GCG: variants seen among roughly 807,000 people sequenced by gnomAD.
GCG encodes pro-glucagon.
A neutral mutation model predicts 22.8 loss-of-function variants in GCG; 11 were observed. The observed-to-expected ratio is 0.48, with a 90% CI of 0.30 to 0.80. The LOEUF is 0.80. GCG is among the 30% of genes least tolerant of loss of function. The probability of loss-of-function intolerance (pLI) is 0.06; values close to 1 mark genes in which losing one functional copy is unlikely to be tolerated. For synonymous variants in GCG, 89 were observed against 72.4 expected, an observed-to-expected ratio of 1.23 and a Z score of -1.16; for missense variants, 222 against 222.0, an observed-to-expected ratio of 1.00 and a Z score of 0.00.
At chr2:162,146,916 A>G (rs1449218223) in intron 3 of GCG, among the ~76,000 whole-genome samples, 2 of 152,184 alleles carry the variant, frequency 1.3e-5, no homozygotes, top group African/African-American at 4.8e-5. Context: ...ATTCTACAAG[A>G]AAAGGAATGC....
intron 3 of GCG, among the ~76,000 whole-genome samples, chr2:162,146,452 T>C (rs530741972): frequency 2.0e-5 from 3 of 152,144 alleles, no homozygotes; most frequent in African/African-American, 7.2e-5. Context: ...GCTCTGACCA[T>C]GATAGCCATC....
At chr2:162,143,841 T>C in intron 5 of GCG, 186 bp downstream of exon 5, 1 of 616,194 alleles carries the variant, frequency 1.6e-6, no homozygotes, top group East Asian at 2.8e-5. Flanking sequence ...AATAAATAGA[T>C]ACAAACTGTA....
Position 162,143,105 on chromosome 2 carries a change from G to C in GCG, c.*259C>G. 1.2e-5 allele frequency: 4 copies of C among 347,676 alleles called. No individual in the cohort carries two copies. The highest frequency in any genetic ancestry group is 2.1e-5 in the Non-Finnish European group (4 of 188,802). 21.5% of individuals were successfully genotyped at this position (347,676 alleles called of 1,614,324 possible). A position where few individuals can be genotyped will look rare whatever the true frequency, so the allele number is the denominator to read the frequency against. On this transcript the variant is annotated 3_prime_UTR_variant, in exon 6 of 6. Transcript: ENST00000418842. ...TTATCGCTAAATGTAAACAGGTTGGGGTACTTCATCCAAAATAAGAAGAAA... is the reference window on the plus strand; with the variant it reads ...TTATCGCTAAATGTAAACAGGTTGGCGTACTTCATCCAAAATAAGAAGAAA...
chr2:162,151,801 T>C (rs1022811419), intron 1 of GCG, among the ~76,000 whole-genome samples: 3 of 152,162 alleles, frequency 2.0e-5, no homozygotes, highest in Non-Finnish European at 4.4e-5. Flanking sequence ...TTCAAAGTAG[T>C]ATACAGATCT....
At chr2:162,144,396 T>G (rs1225569583) in intron 4 of GCG, 4 of 504,580 alleles carry the variant, frequency 7.9e-6, no homozygotes, top group African/African-American at 3.8e-5. Context: ...CATAATTTCA[T>G]GCCCTTTTCA....
intron 1 of GCG, among the ~76,000 whole-genome samples, chr2:162,150,990 T>C (rs1443028104): frequency 6.6e-6 from 1 of 152,066 alleles, no homozygotes; most frequent in Non-Finnish European, 1.5e-5. Context: ...ACTTATTTGT[T>C]TGTGAAAGTC....
In GCG at chr2:162,143,353, T is replaced by C. The variant is rs1686598739; in HGVS notation, c.*11A>G. 2.4e-6 allele frequency: 3 copies of C among 1,229,702 alleles called. No homozygotes were observed. Among genetic ancestry groups the C allele is most frequent in the Non-Finnish European group, 3.4e-6 (3 of 875,006 alleles). The allele number at this position is 1,229,702 out of a possible 1,614,324, so 76.2% of individuals were successfully genotyped here. A position where few individuals can be genotyped will look rare whatever the true frequency, so the allele number is the denominator to read the frequency against. Reference sequence around the variant, plus strand: ...GTGATGTTGTGAAGATGATCTTGAATAGTGATATAGTTATTTCCTAGAGAT... The same window carrying C: ...GTGATGTTGTGAAGATGATCTTGAACAGTGATATAGTTATTTCCTAGAGAT... On this transcript the variant is annotated 3_prime_UTR_variant, in exon 6 of 6. Coordinates refer to ENST00000418842, the MANE Select transcript of GCG (RefSeq NM_002054.5).
chr2:162,148,775 G>A lies in GCG; in HGVS notation c.92+312C>T, dbSNP rs1211966167. ...GGAAAAAAGAGAAAAGAGTTGGTGC[G>A]AATAATTGAAGTAATCTATTATGCA... On this transcript the variant is annotated intron_variant, in intron 2 of 5. Transcript: ENST00000418842. 2.0e-5 allele frequency among the ~76,000 whole-genome samples: 3 copies of A among 151,998 alleles called. No individual in the cohort carries two copies. In the East Asian group the frequency reaches 5.8e-4, roughly 29 times the overall value.
Position 162,147,490 on chromosome 2 carries a change from G to T in GCG, c.117C>A (p.Asp39Glu), listed in dbSNP as rs762144462. 6.2e-7 allele frequency: 1 copy of T among 1,613,156 alleles called. No individual in the cohort carries two copies. Among genetic ancestry groups the T allele is most frequent in the South Asian group, 1.1e-5 (1 of 91,064 alleles). Residue 39 changes from aspartate to glutamate, a missense_variant, in exon 3 of 6, where the codon GAC (aspartate) becomes GAA (glutamate). Coordinates refer to ENST00000418842, the MANE Select transcript of GCG (RefSeq NM_002054.5). ...TCATCTGATCAGGATCACTGAGTGG[G>T]TCTGCCTGGGAAGCTGAGAATGATC... ...KSRSFSASQA[D>E]PLSDPDQMNE...
chr2:162,146,204 G>A (rs1686679373), intron 3 of GCG, among the ~76,000 whole-genome samples: 1 of 152,146 alleles, frequency 6.6e-6, no homozygotes, highest in Admixed American at 6.6e-5. Flanking sequence ...TCAAGTGTGT[G>A]CAGAGCACCG....
At chr2:162,147,794 T>C (rs1559750071) in intron 2 of GCG, among the ~76,000 whole-genome samples, 2 of 152,194 alleles carry the variant, frequency 1.3e-5, no homozygotes, top group African/African-American at 4.8e-5. Flanking sequence ...TACTAATTAA[T>C]CTACTCATGA....
At chr2:162,149,859 C>CTTCTGGCA (rs1168823893) in intron 1 of GCG, among the ~76,000 whole-genome samples, 1 of 152,026 alleles carries the variant, frequency 6.6e-6, no homozygotes, top group Non-Finnish European at 1.5e-5. Flanking sequence ...AGAACTAATG[C>CTTCTGGCA]TTCTGGCAAC....
chr2:162,144,343 T>C, intron 4 of GCG, 173 bp from the exon 5 acceptor site: 1 of 589,336 alleles, frequency 1.7e-6, no homozygotes. Flanking sequence ...CAGTGACTAC[T>C]GGAAAGAGAA....
At chr2:162,151,600 G>T (rs781136743) in intron 1 of GCG, among the ~76,000 whole-genome samples, 3 of 152,194 alleles carry the variant, frequency 2.0e-5, no homozygotes, top group African/African-American at 4.8e-5. Context: ...CACCAAGTAC[G>T]CTATGTTTTA....
chr2:162,144,786 G>A (rs1686639410), intron 4 of GCG: 1 of 151,994 alleles, frequency 6.6e-6, no homozygotes, highest in Non-Finnish European at 1.5e-5. Flanking sequence ...AAAAATCAGA[G>A]TTGAACATAA....
chr2:162,144,301 C>G, intron 4 of GCG, 131 bp from the exon 5 acceptor site: 1 of 715,126 alleles, frequency 1.4e-6, no homozygotes, highest in Non-Finnish European at 2.4e-6. Context: ...AAAGGGTGTA[C>G]TGTGAAATAC....
In GCG at chr2:162,145,663, T is replaced by G; in HGVS notation, c.269A>C (p.Lys90Thr). Residue 90 changes from lysine to threonine, a missense_variant, in exon 4 of 6, where the codon AAA (lysine) becomes ACA (threonine). Lys to Thr is a moderately conservative substitution (Grantham distance 78). Coordinates refer to ENST00000418842, the MANE Select transcript of GCG (RefSeq NM_002054.5). ...ATGTCTCTCAAATTCATCGTGACGTTTGGCAATGTTATTCCTGAAAGAAAT... is the reference window on the plus strand; with the variant it reads ...ATGTCTCTCAAATTCATCGTGACGTGTGGCAATGTTATTCCTGAAAGAAAT... ...NTKRNRNNIA[K>T]RHDEFERHAE... 6.2e-7 allele frequency: 1 copy of G among 1,610,200 alleles called. No individual in the cohort carries two copies.
intron 4 of GCG, chr2:162,145,257 A>G (rs751877873): frequency 3.8e-6 from 1 of 266,576 alleles, no homozygotes; most frequent in Non-Finnish European, 7.0e-6. Context: ...AAAACATCCT[A>G]TTTACTCTCA....
intron 3 of GCG, among the ~76,000 whole-genome samples, 168 bp from the exon 4 acceptor site, chr2:162,145,845 G>T (rs1379752042): frequency 6.6e-6 from 1 of 152,120 alleles, no homozygotes; most frequent in African/African-American, 2.4e-5. Flanking sequence ...TAATGTTCTG[G>T]ATTGAAACTG....
Sources: allele counts gnomAD v4.1 joint callset (sites outside exome capture counted in the v4.1 genomes callset), GRCh38; gene constraint gnomAD v4.1.1; transcripts MANE v1.5; gene names NCBI Gene and HGNC (gene_info 2026-07-23, HGNC 2026-07-21).